PKP4: variants seen among roughly 807,000 people sequenced by gnomAD.
PKP4 encodes the protein plakophilin-4.
PKP4 carries 90 observed loss-of-function variants against 145.1 expected under a neutral mutation model. The observed-to-expected ratio is 0.62, with a 90% CI of 0.52 to 0.74. The LOEUF (loss-of-function observed/expected upper bound fraction) is 0.74, where lower values mean the gene tolerates loss of function less well. Ranked by LOEUF, PKP4 falls within the 30% of genes least tolerant of loss-of-function variation. The pLI is 0.00. For missense variants in PKP4, 1,340 were observed against 1,482.7 expected, an observed-to-expected ratio of 0.90 and a Z score of 1.58; for synonymous variants, 563 against 577.2, an observed-to-expected ratio of 0.98 and a Z score of 0.35.
intron 3 of PKP4, chr2:158,578,046 G>A (rs183765355): frequency 8.8e-4 from 146 of 165,300 alleles, no homozygotes; most frequent in Non-Finnish European, 1.6e-3. Flanking sequence ...TTTCTGTAAA[G>A]CCTACTGTAA....
chr2:158,577,415 A>G (rs768409703), intron 3 of PKP4, 32 bp downstream of exon 3: 2 of 1,344,634 alleles, frequency 1.5e-6, no homozygotes, highest in South Asian at 1.2e-5. Context: ...CTTTATGCAC[A>G]CTCAAGTTAC....
intron 3 of PKP4, among the ~76,000 whole-genome samples, chr2:158,583,197 A>G (rs73969006): frequency 0.067 from 10,165 of 152,094 alleles, 829 homozygotes; most frequent in African/African-American, 0.19. Context: ...ATTCCCTGCA[A>G]TATCATTGAT....
chr2:158,550,143 A>AGTCTATTAAATTCTATTTAT (rs564291706), intron 2 of PKP4, among the ~76,000 whole-genome samples: 2 of 147,046 alleles, frequency 1.4e-5, no homozygotes, highest in African/African-American at 2.4e-5. Context: ...TGCCAAGAAG[A>AGTCTATTAAATTCTATTTAT]AGTTAAACAA....
chr2:158,581,457 C>T (rs2048324959), intron 3 of PKP4, among the ~76,000 whole-genome samples: 3 of 152,066 alleles, frequency 2.0e-5, no homozygotes, highest in African/African-American at 2.4e-5. Context: ...CAAAGGAAAA[C>T]GAAAAGCATT....
intron 2 of PKP4, among the ~76,000 whole-genome samples, chr2:158,546,922 ACT>A (rs2045108606): frequency 1.3e-5 from 2 of 152,092 alleles, no homozygotes. Flanking sequence ...GAAAAGTGAA[ACT>A]CTGTTTTTCA....
chr2:158,645,416 T>C (rs991421735), intron 11 of PKP4, among the ~76,000 whole-genome samples: 1 of 152,186 alleles, frequency 6.6e-6, no homozygotes. Flanking sequence ...AGCCTACTGT[T>C]AGGGAGGCAT....
chr2:158,573,344 G>A (rs2047567922), intron 2 of PKP4, among the ~76,000 whole-genome samples: 1 of 152,174 alleles, frequency 6.6e-6, no homozygotes, highest in Non-Finnish European at 1.5e-5. Context: ...ATAGGTAGTA[G>A]TAATATAAAA....
At position 158,491,967 on chromosome 2, in the gene PKP4, C is replaced by G. The variant is rs890068915; in HGVS notation, c.-6+34749C>G. On this transcript the variant is annotated intron_variant, in intron 1 of 21. Transcript: ENST00000389759. Reference sequence around the variant, plus strand: ...TGGAGCACAGGTGCGCATCACCATGCTGGAGTAATTTTTAAATGTTTTGTA... The same window carrying G: ...TGGAGCACAGGTGCGCATCACCATGGTGGAGTAATTTTTAAATGTTTTGTA... Among the ~76,000 whole-genome samples, 3 of 151,964 alleles carry G rather than the reference C, an allele frequency of 2.0e-5. No individual in the cohort carries two copies. The East Asian group carries it at 5.8e-4, about 29-fold the overall frequency.
At chr2:158,576,772 G>T (rs1466518370) in intron 2 of PKP4, among the ~76,000 whole-genome samples, 2 of 151,960 alleles carry the variant, frequency 1.3e-5, no homozygotes, top group Non-Finnish European at 2.9e-5. Context: ...AATACGGCAA[G>T]ACTTTTTCTG....
chr2:158,508,591 A>G (rs1359538656), intron 1 of PKP4, among the ~76,000 whole-genome samples: 3 of 152,212 alleles, frequency 2.0e-5, no homozygotes, highest in African/African-American at 7.2e-5. Context: ...TAAAATGAGC[A>G]GATTGCCTTT....
chr2:158,473,082 C>G (rs1691855708), intron 1 of PKP4, among the ~76,000 whole-genome samples: 1 of 152,140 alleles, frequency 6.6e-6, no homozygotes, highest in African/African-American at 2.4e-5. Context: ...GATCATTAGA[C>G]AAATGCAAAT....
intron 1 of PKP4, among the ~76,000 whole-genome samples, chr2:158,508,222 G>A (rs1349713377): frequency 6.6e-6 from 1 of 151,738 alleles, no homozygotes; most frequent in East Asian, 1.9e-4. Context: ...AAAATTAGCT[G>A]GGCATGGTGG....
chr2:158,522,916 T>C (rs2042539342), intron 1 of PKP4, among the ~76,000 whole-genome samples: 1 of 152,174 alleles, frequency 6.6e-6, no homozygotes, highest in Non-Finnish European at 1.5e-5. Context: ...TACTGCCCTT[T>C]TCAGACCGGC....
intron 3 of PKP4, among the ~76,000 whole-genome samples, chr2:158,586,069 CA>C (rs1401570653): frequency 6.6e-6 from 1 of 152,110 alleles, no homozygotes; most frequent in African/African-American, 2.4e-5. Context: ...ATGAAATTTT[CA>C]AGGTTCCTCC....
rs1558906435 is a variant in PKP4 at position 158,624,886 on chromosome 2, A to G, written c.612A>G (p.Val204=). The change falls in exon 7 of 22, where the codon GTA becomes GTG. Residue 204 remains valine, a synonymous_variant. Transcript: ENST00000389759. ...TCCCCCCCTTTCATCAGCCATCAGT[A>G]GCCAATCGGGCCATGAGAAGAGTTA... ...AEGQTLVQPS[V]ANRAMRRVSS... 2 of 1,582,834 alleles carry G rather than the reference A, an allele frequency of 1.3e-6. No homozygotes were observed. The highest frequency in any genetic ancestry group is 1.7e-6 in the Non-Finnish European group (2 of 1,161,280).
In PKP4 at chr2:158,635,141, A is replaced by G. The variant is rs552645246; in HGVS notation, c.1562+852A>G. On this transcript the variant is annotated intron_variant, in intron 9 of 21. Transcript: ENST00000389759. ...CACTGGAAAATTGTTATAATTATCA[A>G]TTCATTTTTAGCAGCCTACCAACTT... 3.3e-5 allele frequency among the ~76,000 whole-genome samples: 5 copies of G among 152,332 alleles called. No homozygotes were observed. In the South Asian group the frequency reaches 1.0e-3, roughly 32 times the overall value.
chr2:158,484,297 T>G (rs558382153), intron 1 of PKP4, among the ~76,000 whole-genome samples: 23 of 152,278 alleles, frequency 1.5e-4, no homozygotes, highest in African/African-American at 5.1e-4. Context: ...TCCACCCACC[T>G]CGGCCTCCCA....
chr2:158,520,369 AG>A (rs1173209444), intron 1 of PKP4, among the ~76,000 whole-genome samples: 5 of 152,250 alleles, frequency 3.3e-5, no homozygotes, highest in African/African-American at 1.2e-4. Flanking sequence ...GATTCCTTCT[AG>A]GCATTTATAC....
At chr2:158,626,115 A>G (rs1025849667) in intron 7 of PKP4, among the ~76,000 whole-genome samples, 20 of 152,262 alleles carry the variant, frequency 1.3e-4, no homozygotes, top group African/African-American at 4.1e-4. Context: ...TAAAAGTAAC[A>G]TATACAGAAT....
Sources: gnomAD v4.1 joint callset for allele counts (sites outside exome capture counted in the v4.1 genomes callset) on GRCh38, gnomAD v4.1.1 for gene constraint, MANE v1.5 for transcripts, NCBI Gene and HGNC (gene_info 2026-07-23, HGNC 2026-07-21) for gene names.